The following ASIC1 variants were observed in gnomAD, a reference collection of about 807,000 sequenced individuals.
ASIC1 encodes acid-sensing ion channel 1.
Under a neutral mutation model 63.4 loss-of-function variants are expected in ASIC1, and 21 were observed. The observed-to-expected ratio is 0.33, with a 90% CI of 0.23 to 0.48. The LOEUF is 0.48. Ranked by LOEUF, ASIC1 falls within the 20% of genes least tolerant of loss-of-function variation. ASIC1 has a pLI of 0.99. For synonymous variants in ASIC1, 258 were observed against 278.2 expected (o/e 0.93, Z 0.72); for missense variants, 478 against 695.5 (o/e 0.69, Z 3.52).
intron 3 of ASIC1, among the ~76,000 whole-genome samples, chr12:50,072,571 C>T (rs1950610585): frequency 6.6e-6 from 1 of 152,170 alleles, no homozygotes; most frequent in African/African-American, 2.4e-5. Context: ...GGTCCCCCTG[C>T]CCCACCCCCA....
chr12:50,077,347 T>C lies in ASIC1; in HGVS notation c.693T>C (p.Pro231=). Residue 231 remains proline, a synonymous_variant, in exon 4 of 12, where the codon CCT becomes CCC. Transcript: ENST00000447966. ...ACATCCAGCAGGACGAGTACCTGCC[T>C]GTGTGGGGGGAGACTGGTACGTCAC... ...MLDIQQDEYL[P]VWGETDETSF... The C allele has an allele frequency of 1.2e-6, 2 of 1,614,172 alleles. No homozygotes were observed. Among genetic ancestry groups the C allele is most frequent in the Non-Finnish European group, 1.7e-6 (2 of 1,180,020 alleles).
rs1229931197 is a variant in ASIC1, at chr12:50,057,882, C to A, written c.-51C>A. 1 of 151,678 alleles carries A rather than the reference C, an allele frequency of 6.6e-6. No individual in the cohort carries two copies. Among genetic ancestry groups the A allele is most frequent in the Non-Finnish European group, 1.5e-5 (1 of 67,898 alleles). 9.4% of individuals were successfully genotyped at this position (151,678 alleles called of 1,614,324 possible). A position where few individuals can be genotyped will look rare whatever the true frequency, so the allele number is the denominator to read the frequency against. ...GCCACCGGTCCAGCGCCCCAGGACC[C>A]GCCGCCGGCTGCCGGCTTGCCGAAG... On this transcript the variant is annotated 5_prime_UTR_variant, in exon 1 of 12. Coordinates refer to ENST00000447966, the MANE Select transcript of ASIC1 (RefSeq NM_001095.4). This position sits in a 1 kb window ranked among gnomAD's most constrained non-coding sequence, Gnocchi z 4.7.
rs41291983 is a variant in ASIC1, at chr12:50,078,394, C to A, written c.838-27C>A. On this transcript the variant is annotated intron_variant, in intron 5 of 11. Transcript: ENST00000447966. This position sits in a 1 kb window ranked among gnomAD's most constrained non-coding sequence, Gnocchi z 6.0. ...TGATTTGGGGAGAAGTCCCCGCACT[C>A]CCCCAGCTCCCCGGCTCTCCCAGCA... The A allele has an allele frequency of 2.5e-5, 41 of 1,612,698 alleles. No homozygotes were observed. The highest frequency in any genetic ancestry group is 3.5e-5 in the Non-Finnish European group (41 of 1,179,180).
chr12:50,074,708 G>C lies in ASIC1; in HGVS notation c.559-2505G>C, dbSNP rs1950635592. ...CTGCCTGGTCTCTGGTGGTACAAGA[G>C]AAGGGAGTGAAAGGGTGACAGTAGA... On this transcript the variant is annotated intron_variant, in intron 3 of 11. Transcript: ENST00000447966. This position sits in a 1 kb window ranked among gnomAD's most constrained non-coding sequence, Gnocchi z 4.2. Among the ~76,000 whole-genome samples the C allele has an allele frequency of 6.6e-6, 1 of 152,076 alleles. No individual in the cohort carries two copies. The highest frequency in any genetic ancestry group is 2.4e-5 in the African/African-American group (1 of 41,392).
At chr12:50,081,053 C>G (rs1193272700) in intron 9 of ASIC1, 49 bp from the exon 10 acceptor site, 1 of 1,502,990 alleles carries the variant, frequency 6.7e-7, no homozygotes, top group Non-Finnish European at 9.0e-7. Context: ...ACCCTGCTGC[C>G]CCCACGATGT....
chr12:50,075,839 G>C (rs567739330), intron 3 of ASIC1, among the ~76,000 whole-genome samples: 9 of 152,358 alleles, frequency 5.9e-5, no homozygotes, highest in African/African-American at 1.7e-4. Flanking sequence ...CAAGGAGGCT[G>C]TGGGGAAAAG....
rs918135830 is a variant in ASIC1, at chr12:50,080,396, T to C, written c.1206-102T>C. 10 of 1,114,714 alleles carry C rather than the reference T, an allele frequency of 9.0e-6. No individual in the cohort carries two copies. The African/African-American group carries it at 1.6e-4, about 17-fold the overall frequency. 69.1% of individuals were successfully genotyped at this position (1,114,714 alleles called of 1,614,324 possible). A position where few individuals can be genotyped will look rare whatever the true frequency, so the allele number is the denominator to read the frequency against. Reference sequence around the variant, plus strand: ...CCATCAGCATCTCATTTTATGGATATGGAAACTGAGATTCAGAGAGGCTGC... The same window carrying C: ...CCATCAGCATCTCATTTTATGGATACGGAAACTGAGATTCAGAGAGGCTGC... On this transcript the variant is annotated intron_variant, in intron 8 of 11. Coordinates refer to ENST00000447966, the MANE Select transcript of ASIC1 (RefSeq NM_001095.4).
At chr12:50,071,201 G>C (rs536818433) in intron 3 of ASIC1, among the ~76,000 whole-genome samples, 13 of 152,106 alleles carry the variant, frequency 8.5e-5, no homozygotes, top group African/African-American at 2.7e-4. Flanking sequence ...GATGAGCCTC[G>C]TGTGTCTGGG....
Position 50,059,317 on chromosome 12 carries a change from T to A in ASIC1, c.362+189T>A, listed in dbSNP as rs145067230. ...AGCACCCAGTTAAGGGCACCCAGCC[T>A]CCGATCCCAGCATAGTCCAGAACAG... On this transcript the variant is annotated intron_variant, in intron 2 of 11. Transcript: ENST00000447966. The surrounding 1 kb of genome is among the most constrained non-coding windows in gnomAD (Gnocchi z 4.6). Among the ~76,000 whole-genome samples, 3 of 150,322 alleles carry A rather than the reference T, an allele frequency of 2.0e-5. No homozygotes were observed. In the East Asian group the frequency reaches 6.0e-4, roughly 30 times the overall value.
At chr12:50,062,076 T>C (rs550061962) in intron 3 of ASIC1, among the ~76,000 whole-genome samples, 19 of 152,300 alleles carry the variant, frequency 1.2e-4, no homozygotes, top group Non-Finnish European at 2.4e-4. Flanking sequence ...CACTCCTCCC[T>C]CTGCTCTCTT....
In ASIC1 at chr12:50,074,945, T is replaced by C. The variant is rs1177714713; in HGVS notation, c.559-2268T>C. Among the ~76,000 whole-genome samples the C allele has an allele frequency of 6.6e-6, 1 of 151,144 alleles. No individual in the cohort carries two copies. The highest frequency in any genetic ancestry group is 1.5e-5 in the Non-Finnish European group (1 of 67,836). Reference sequence around the variant, plus strand: ...AACAGGTCTCTAAATCATATCCCTCTCCCCAGCTTTAAGTGGCCAGGGACC... The same window carrying C: ...AACAGGTCTCTAAATCATATCCCTCCCCCCAGCTTTAAGTGGCCAGGGACC... On this transcript the variant is annotated intron_variant, in intron 3 of 11. Transcript: ENST00000447966. This position sits in a 1 kb window ranked among gnomAD's most constrained non-coding sequence, Gnocchi z 4.2.
In ASIC1 at chr12:50,059,967, G is replaced by C. The variant is rs370502413; in HGVS notation, c.558+13G>C. On this transcript the variant is annotated intron_variant, in intron 3 of 11. Transcript: ENST00000447966. The surrounding 1 kb of genome is among the most constrained non-coding windows in gnomAD (Gnocchi z 4.6). The stretch of plus-strand genomic sequence containing the variant: ...AGACTTCAAGGTGGTGAGTCCCCTC[G>C]TGTGGGGTGTGAGTCAGCCTGGCCC... The C allele has an allele frequency of 1.9e-6, 3 of 1,612,166 alleles. No homozygotes were observed. Among genetic ancestry groups the C allele is most frequent in the African/African-American group, 2.7e-5 (2 of 74,892 alleles).
intron 3 of ASIC1, chr12:50,070,744 C>T (rs1389795343): frequency 6.6e-6 from 1 of 152,292 alleles, no homozygotes. Context: ...CCACCCAAGT[C>T]TGGAAGTCCT....
chr12:50,062,122 G>A (rs1950506302), intron 3 of ASIC1, among the ~76,000 whole-genome samples: 1 of 152,134 alleles, frequency 6.6e-6, no homozygotes, highest in Non-Finnish European at 1.5e-5. Flanking sequence ...TCCATGTCAA[G>A]AGCTCTACCC....
Position 50,065,830 on chromosome 12 carries a change from A to G in ASIC1, c.558+5876A>G, listed in dbSNP as rs1193619844. Among the ~76,000 whole-genome samples the G allele has an allele frequency of 5.3e-5, 8 of 152,290 alleles. No homozygotes were observed. The East Asian group carries it at 1.5e-3, about 29-fold the overall frequency. ...GTGCAGCTTAGTGCCATGTGTCTCT[A>G]GTTGGTGTCACACCAGCATGCCAGG... On this transcript the variant is annotated intron_variant, in intron 3 of 11. Transcript: ENST00000447966.
chr12:50,075,741 C>A (rs944739873), intron 3 of ASIC1, among the ~76,000 whole-genome samples: 1 of 152,238 alleles, frequency 6.6e-6, no homozygotes, highest in African/African-American at 2.4e-5. Flanking sequence ...CTGCTCTGGG[C>A]TGTATTGACT....
chr12:50,079,451 C>T (rs530699744), intron 7 of ASIC1, among the ~76,000 whole-genome samples: 2 of 152,250 alleles, frequency 1.3e-5, no homozygotes, highest in East Asian at 3.9e-4. Context: ...AGAATAGCAT[C>T]TTCAGAGGCC....
At position 50,078,308 on chromosome 12, in the gene ASIC1, G is replaced by T; in HGVS notation, c.838-113G>T. The T allele has an allele frequency of 9.9e-6, 15 of 1,520,336 alleles. No homozygotes were observed. The highest frequency in any genetic ancestry group is 1.3e-5 in the Non-Finnish European group (15 of 1,119,936). 94.2% of individuals were successfully genotyped at this position (1,520,336 alleles called of 1,614,324 possible). The stretch of plus-strand genomic sequence containing the variant: ...GTAAACTCTGAGACCTTTGGAGGCT[G>T]CAGAGGGAGAGGGGAGCAGAACTCC... On this transcript the variant is annotated intron_variant, in intron 5 of 11. Coordinates refer to ENST00000447966, the MANE Select transcript of ASIC1 (RefSeq NM_001095.4). The surrounding 1 kb of genome is among the most constrained non-coding windows in gnomAD (Gnocchi z 6.0).
chr12:50,079,474 G>T (rs769554379), intron 7 of ASIC1, among the ~76,000 whole-genome samples: 1 of 152,108 alleles, frequency 6.6e-6, no homozygotes, highest in Non-Finnish European at 1.5e-5. Context: ...TATGAAAAAT[G>T]AACAGAGGTC....
Sources: allele counts gnomAD v4.1 joint callset (sites outside exome capture counted in the v4.1 genomes callset), GRCh38; gene constraint gnomAD v4.1.1; non-coding constraint Gnocchi (gnomAD v3.1); transcripts MANE v1.5; gene names NCBI Gene and HGNC (gene_info 2026-07-23, HGNC 2026-07-21).